CCSER1: variants seen among roughly 807,000 people sequenced by gnomAD.
CCSER1 encodes serine-rich coiled-coil domain-containing protein 1.
Under a neutral mutation model 82.0 loss-of-function variants are expected in CCSER1, and 41 were observed. That is an observed-to-expected ratio of 0.50 (90% CI 0.39 to 0.65). The LOEUF (loss-of-function observed/expected upper bound fraction) is 0.65, where lower values mean the gene tolerates loss of function less well. Among genes scored for constraint, CCSER1 ranks in the 30% least tolerant of loss-of-function variants. The pLI is 0.00. For synonymous variants in CCSER1, 414 were observed against 383.9 expected, an observed-to-expected ratio of 1.08 and a Z score of -0.92; for missense variants, 1,119 against 1,064.2, an observed-to-expected ratio of 1.05 and a Z score of -0.72.
intron 10 of CCSER1, among the ~76,000 whole-genome samples, chr4:91,373,154 T>G (rs904727611): frequency 2.0e-5 from 3 of 151,868 alleles, no homozygotes; most frequent in African/African-American, 7.3e-5. Context: ...TTTTTTTTTT[T>G]GCAAATAGGA....
intron 6 of CCSER1, among the ~76,000 whole-genome samples, chr4:90,691,679 A>G (rs949048930): frequency 1.4e-5 from 2 of 141,472 alleles, no homozygotes; most frequent in South Asian, 2.3e-4. Flanking sequence ...GTGTGTATCT[A>G]TGTGTATATA....
At chr4:90,128,553 G>A (rs985641034) in intron 1 of CCSER1, among the ~76,000 whole-genome samples, 6 of 152,048 alleles carry the variant, frequency 3.9e-5, no homozygotes, top group Admixed American at 3.9e-4. Context: ...CCAGTGGGTT[G>A]GTTCACCTGA....
chr4:90,201,746 A>G (rs2153406300), intron 1 of CCSER1, among the ~76,000 whole-genome samples: 1 of 152,192 alleles, frequency 6.6e-6, no homozygotes, highest in African/African-American at 2.4e-5. Flanking sequence ...TCAGAGAAAG[A>G]GAAGAGGTGT....
At chr4:90,852,608 G>A (rs570056411) in intron 8 of CCSER1, among the ~76,000 whole-genome samples, 6 of 152,258 alleles carry the variant, frequency 3.9e-5, no homozygotes, top group Admixed American at 2.6e-4. Flanking sequence ...CTCTGGCAAC[G>A]GCTCTAACCC....
At chr4:90,300,492 T>C (rs541889775) in intron 1 of CCSER1, among the ~76,000 whole-genome samples, 1 of 152,302 alleles carries the variant, frequency 6.6e-6, no homozygotes, top group South Asian at 2.1e-4. Flanking sequence ...TAAGTGGTAG[T>C]ACTTGCATTT....
At chr4:90,829,340 T>A (rs1760854562) in intron 8 of CCSER1, among the ~76,000 whole-genome samples, 1 of 152,150 alleles carries the variant, frequency 6.6e-6, no homozygotes, top group Non-Finnish European at 1.5e-5. Context: ...TGGTTTATAA[T>A]GTGAACAATT....
At chr4:90,615,048 G>A (rs1409466029) in intron 5 of CCSER1, among the ~76,000 whole-genome samples, 1 of 152,128 alleles carries the variant, frequency 6.6e-6, no homozygotes, top group African/African-American at 2.4e-5. Context: ...AATTATGTCT[G>A]TGCTCAATTA....
chr4:90,856,631 T>A (rs1453167405), intron 8 of CCSER1, among the ~76,000 whole-genome samples: 1 of 152,130 alleles, frequency 6.6e-6, no homozygotes, highest in Non-Finnish European at 1.5e-5. Flanking sequence ...AATTCTAGAC[T>A]AAAAACAGAG....
At chr4:90,250,079 A>T (rs1342642504) in intron 1 of CCSER1, among the ~76,000 whole-genome samples, 3 of 152,072 alleles carry the variant, frequency 2.0e-5, no homozygotes, top group African/African-American at 4.8e-5. Flanking sequence ...TGCCTTTTTT[A>T]AAAAAATTGG....
At chr4:90,286,437 A>C (rs1181586556) in intron 1 of CCSER1, among the ~76,000 whole-genome samples, 2 of 152,088 alleles carry the variant, frequency 1.3e-5, no homozygotes, top group African/African-American at 4.8e-5. Flanking sequence ...TAGTTCATTA[A>C]AAATTTTATA....
intron 6 of CCSER1, among the ~76,000 whole-genome samples, chr4:90,637,061 T>C (rs1324957596): frequency 6.6e-6 from 1 of 152,184 alleles, no homozygotes; most frequent in African/African-American, 2.4e-5. Flanking sequence ...ACTAAATCAA[T>C]ATTTGTTATT....
intron 5 of CCSER1, among the ~76,000 whole-genome samples, chr4:90,496,919 A>G (rs997151699): frequency 1.4e-5 from 2 of 144,464 alleles, no homozygotes; most frequent in African/African-American, 5.2e-5. Context: ...CGGAGGTTGC[A>G]GTGAACCGAG....
At chr4:90,234,629 A>G (rs2116123) in intron 1 of CCSER1, among the ~76,000 whole-genome samples, 93,143 of 151,958 alleles carry the variant, frequency 0.61, 29,923 homozygotes, top group East Asian at 0.83. Context: ...TGCCCTCTAC[A>G]TTTTTCAAGC....
At chr4:90,357,032 G>T (rs529186840) in intron 3 of CCSER1, among the ~76,000 whole-genome samples, 88 of 151,970 alleles carry the variant, frequency 5.8e-4, no homozygotes, top group African/African-American at 2.0e-3. Context: ...TGCGGGTCTG[G>T]TAAAAATGGT....
chr4:90,990,102 T>C (rs1014353479), intron 9 of CCSER1, among the ~76,000 whole-genome samples: 3 of 151,920 alleles, frequency 2.0e-5, no homozygotes, highest in African/African-American at 7.2e-5. Flanking sequence ...TAATGCCTAT[T>C]GCATGTTAAA....
At chr4:91,053,966 G>A (rs1374943496) in intron 9 of CCSER1, among the ~76,000 whole-genome samples, 2 of 152,152 alleles carry the variant, frequency 1.3e-5, no homozygotes, top group Non-Finnish European at 2.9e-5. Flanking sequence ...TCAGTCCTTT[G>A]CCATTATAAC....
chr4:91,183,815 A>C (rs1291664560), intron 10 of CCSER1, among the ~76,000 whole-genome samples: 5 of 152,166 alleles, frequency 3.3e-5, no homozygotes, highest in African/African-American at 4.8e-5. Flanking sequence ...ACTTGACCTC[A>C]GCCTCCTTTG....
chr4:91,349,305 A>C (rs1578239585), intron 10 of CCSER1, among the ~76,000 whole-genome samples: 2 of 152,124 alleles, frequency 1.3e-5, no homozygotes, highest in South Asian at 4.2e-4. Flanking sequence ...TCAGAGGTTA[A>C]ATTTTTCCCT....
chr4:90,805,918 T>C (rs762266885), intron 7 of CCSER1, among the ~76,000 whole-genome samples: 7 of 152,158 alleles, frequency 4.6e-5, no homozygotes, highest in Non-Finnish European at 8.8e-5. Context: ...AGATCATCCT[T>C]AAAAATATGT....
Sources: gnomAD v4.1 joint callset for allele counts (sites outside exome capture counted in the v4.1 genomes callset) on GRCh38, gnomAD v4.1.1 for gene constraint, MANE v1.5 for transcripts, NCBI Gene and HGNC (gene_info 2026-07-23, HGNC 2026-07-21) for gene names.